Variants in TRIM24 observed in about 807,000 individuals in gnomAD.
TRIM24 encodes the protein tripartite motif containing 24.
A neutral mutation model predicts 123.9 loss-of-function variants in TRIM24; 29 were observed. That is an observed-to-expected ratio of 0.23 (90% confidence interval 0.17 to 0.32). The LOEUF is 0.32. Among genes scored for constraint, TRIM24 ranks in the 10% least tolerant of loss-of-function variants. TRIM24 has a pLI of 1.00. For missense variants in TRIM24, 932 were observed against 1,295.3 expected (o/e 0.72, Z 4.31); for synonymous variants, 456 against 461.1 (o/e 0.99, Z 0.14).
chr7:138,516,421 A>G (rs1003068452), intron 3 of TRIM24, among the ~76,000 whole-genome samples: 7 of 152,222 alleles, frequency 4.6e-5, no homozygotes, highest in East Asian at 1.9e-4. Context: ...GCCGTAGTGC[A>G]GTGGCACGAT....
intron 10 of TRIM24, among the ~76,000 whole-genome samples, chr7:138,569,797 G>A (rs117931436): frequency 8.0e-4 from 122 of 152,168 alleles, no homozygotes; most frequent in Admixed American, 1.8e-3. Flanking sequence ...TGGAAAATAC[G>A]GCATCTTGCA....
intron 1 of TRIM24, among the ~76,000 whole-genome samples, chr7:138,469,401 C>T (rs887239177): frequency 6.6e-6 from 1 of 151,732 alleles, no homozygotes; most frequent in African/African-American, 2.4e-5. Context: ...CTCCACCTCC[C>T]CGGTTCAAAC....
At chr7:138,551,222 C>A in intron 8 of TRIM24, 42 bp downstream of exon 8, 1 of 1,484,288 alleles carries the variant, frequency 6.7e-7, no homozygotes, top group South Asian at 1.1e-5. Flanking sequence ...TGGCATTTGT[C>A]TGTAAAACTC....
chr7:138,582,036 A>G (rs1797905697), intron 17 of TRIM24, among the ~76,000 whole-genome samples: 1 of 151,922 alleles, frequency 6.6e-6, no homozygotes, highest in South Asian at 2.1e-4. Flanking sequence ...ATTTCTGTTA[A>G]TTTTCTGTAT....
At chr7:138,527,398 G>C (rs28498774) in intron 5 of TRIM24, among the ~76,000 whole-genome samples, 3,311 of 152,260 alleles carry the variant, frequency 0.022, 102 homozygotes, top group African/African-American at 0.073. Flanking sequence ...TATAGCCTAT[G>C]TGATTATAAA....
At chr7:138,542,004 T>C (rs1292166049) in intron 7 of TRIM24, among the ~76,000 whole-genome samples, 1 of 152,226 alleles carries the variant, frequency 6.6e-6, no homozygotes, top group East Asian at 1.9e-4. Flanking sequence ...AAAAGAGTTT[T>C]AGGACCTTTC....
intron 2 of TRIM24, among the ~76,000 whole-genome samples, chr7:138,510,571 A>G (rs1584709493): frequency 6.6e-6 from 1 of 152,178 alleles, no homozygotes; most frequent in African/African-American, 2.4e-5. Context: ...ACAGGCGCAT[A>G]CTGCCACATC....
intron 1 of TRIM24, among the ~76,000 whole-genome samples, chr7:138,486,454 G>A (rs1795649248): frequency 6.6e-6 from 1 of 152,108 alleles, no homozygotes; most frequent in Non-Finnish European, 1.5e-5. Flanking sequence ...TTCTTCTAGG[G>A]TTTTTATGGT....
Position 138,580,241 on chromosome 7 carries a change from T to G in TRIM24, c.2586-321T>G, listed in dbSNP as rs147844698. On this transcript the variant is annotated intron_variant, in intron 15 of 18. Transcript: ENST00000343526. Reference sequence around the variant, plus strand: ...AGAGCTTTTCTAGTTCCTGAATCCTTTGGAGGAAAAAAATTCAATTATGCC... The same window carrying G: ...AGAGCTTTTCTAGTTCCTGAATCCTGTGGAGGAAAAAAATTCAATTATGCC... 4.6e-4 allele frequency among the ~76,000 whole-genome samples: 70 copies of G among 152,236 alleles called. 1 individual carries two copies. The highest frequency in any genetic ancestry group is 1.7e-3 in the African/African-American group (70 of 41,536).
intron 9 of TRIM24, among the ~76,000 whole-genome samples, chr7:138,555,477 A>T (rs763881575): frequency 6.6e-6 from 1 of 150,582 alleles, no homozygotes; most frequent in Non-Finnish European, 1.5e-5. Context: ...TTTTACTATA[A>T]TCCAATTTTT....
intron 1 of TRIM24, among the ~76,000 whole-genome samples, chr7:138,498,516 G>A (rs1024611943): frequency 1.3e-5 from 2 of 152,042 alleles, no homozygotes; most frequent in Admixed American, 6.6e-5. Flanking sequence ...TGGCCAGTGT[G>A]CCTGGCCCCC....
chr7:138,553,023 T>A (rs1297096477), intron 8 of TRIM24, among the ~76,000 whole-genome samples: 1 of 152,222 alleles, frequency 6.6e-6, no homozygotes, highest in Non-Finnish European at 1.5e-5. Context: ...TTAAGAATTA[T>A]ATTTAAAACT....
At chr7:138,475,216 T>G (rs1795370113) in intron 1 of TRIM24, among the ~76,000 whole-genome samples, 1 of 152,142 alleles carries the variant, frequency 6.6e-6, no homozygotes, top group South Asian at 2.1e-4. Context: ...ATTTCTATGT[T>G]GCTTATACTA....
chr7:138,470,744 T>G (rs1174004599), intron 1 of TRIM24, among the ~76,000 whole-genome samples: 1 of 152,226 alleles, frequency 6.6e-6, no homozygotes, highest in Non-Finnish European at 1.5e-5. Flanking sequence ...TATAGATGGA[T>G]GTATACCTGT....
intron 7 of TRIM24, 96 bp downstream of exon 7, chr7:138,538,899 T>A (rs535260727): frequency 1.7e-6 from 2 of 1,151,944 alleles, no homozygotes; most frequent in African/African-American, 3.1e-5. Flanking sequence ...TGTGCATCAG[T>A]GCTTTTTACC....
chr7:138,510,619 AC>A (rs1361622063), intron 2 of TRIM24, among the ~76,000 whole-genome samples: 4 of 152,112 alleles, frequency 2.6e-5, no homozygotes, highest in African/African-American at 9.7e-5. Flanking sequence ...ACAGGGTTTC[AC>A]CATGTTGCCC....
chr7:138,552,270 T>C (rs1187320898), intron 8 of TRIM24, among the ~76,000 whole-genome samples: 1 of 152,182 alleles, frequency 6.6e-6, no homozygotes, highest in African/African-American at 2.4e-5. Flanking sequence ...ATGACACATT[T>C]ATCAGAACAT....
intron 7 of TRIM24, 103 bp downstream of exon 7, chr7:138,538,906 T>G (rs1306172149): frequency 1.9e-6 from 2 of 1,045,910 alleles, no homozygotes; most frequent in South Asian, 2.5e-5. Flanking sequence ...CAGTGCTTTT[T>G]ACCTATTTCT....
intron 1 of TRIM24, among the ~76,000 whole-genome samples, chr7:138,473,124 AC>A (rs1237543836): frequency 6.6e-6 from 1 of 152,132 alleles, no homozygotes; most frequent in Non-Finnish European, 1.5e-5. Context: ...TACTAAAATT[AC>A]AAAAATTAAC....
Sources: gnomAD v4.1 joint callset for allele counts (sites outside exome capture counted in the v4.1 genomes callset) on GRCh38, gnomAD v4.1.1 for gene constraint, MANE v1.5 for transcripts, NCBI Gene and HGNC (gene_info 2026-07-23, HGNC 2026-07-21) for gene names.